SDK1: variants seen among roughly 807,000 people sequenced by gnomAD.
SDK1 encodes protein sidekick-1.
Under a neutral mutation model 245.5 loss-of-function variants are expected in SDK1, and 157 were observed. That is an observed-to-expected ratio of 0.64 (90% CI 0.56 to 0.73). The LOEUF is 0.73. Among genes scored for constraint, SDK1 ranks in the 30% least tolerant of loss-of-function variants. The pLI is 0.00. For synonymous variants in SDK1, 1,647 were observed against 1,278.5 expected (o/e 1.29, Z -6.15); for missense variants, 3,583 against 3,002.3 (o/e 1.19, Z -4.52).
chr7:3,674,375 A>G (rs754966334), intron 4 of SDK1, among the ~76,000 whole-genome samples: 1 of 152,066 alleles, frequency 6.6e-6, no homozygotes, highest in African/African-American at 2.4e-5. Flanking sequence ...AGACCTAGAG[A>G]GGGCTGCTAG....
chr7:3,479,876 A>AAAT (rs1554277609), intron 1 of SDK1, among the ~76,000 whole-genome samples: 42 of 147,710 alleles, frequency 2.8e-4, no homozygotes, highest in Non-Finnish European at 4.5e-4. Flanking sequence ...AAAAAAAAAA[A>AAAT]TTTTTTTTTT....
At chr7:3,523,938 A>G (rs1444341712) in intron 1 of SDK1, among the ~76,000 whole-genome samples, 2 of 152,020 alleles carry the variant, frequency 1.3e-5, no homozygotes, top group African/African-American at 4.8e-5. Context: ...TTGAGACTTG[A>G]TGTCTGTACA....
chr7:3,781,294 G>A (rs199616769), intron 4 of SDK1, among the ~76,000 whole-genome samples: 2 of 152,180 alleles, frequency 1.3e-5, no homozygotes, highest in East Asian at 3.9e-4. Context: ...AAACAGGGAA[G>A]CCAGGCCCAC....
At chr7:3,618,970 C>A (rs1309200123) in intron 1 of SDK1, 110 bp from the exon 2 acceptor site, 20 of 886,856 alleles carry the variant, frequency 2.3e-5, no homozygotes, top group Admixed American at 5.5e-5. Flanking sequence ...AAACAGCCAT[C>A]ACTTTCATTT....
At chr7:4,262,288 T>A (rs966662875) in intron 44 of SDK1, among the ~76,000 whole-genome samples, 1 of 151,740 alleles carries the variant, frequency 6.6e-6, no homozygotes, top group Non-Finnish European at 1.5e-5. Context: ...TCTGCCGACC[T>A]CAGGTGATCC....
At chr7:3,845,533 G>C (rs531222968) in intron 5 of SDK1, among the ~76,000 whole-genome samples, 2 of 143,776 alleles carry the variant, frequency 1.4e-5, no homozygotes, top group Non-Finnish European at 3.0e-5. Context: ...AAAAGAGCAA[G>C]ATGTGGAGTG....
At chr7:3,722,922 C>A (rs1010497778) in intron 4 of SDK1, among the ~76,000 whole-genome samples, 1 of 152,196 alleles carries the variant, frequency 6.6e-6, no homozygotes, top group African/African-American at 2.4e-5. Context: ...CAGCCTGAAT[C>A]CTTGGTGTTT....
At chr7:4,176,676 C>A (rs1210861113) in intron 34 of SDK1, among the ~76,000 whole-genome samples, 3 of 152,212 alleles carry the variant, frequency 2.0e-5, no homozygotes, top group Non-Finnish European at 4.4e-5. Context: ...CATCCACATT[C>A]AACTTTCTGT....
rs114535893 is a variant in SDK1 at position 3,545,081 on chromosome 7, T to C, written c.299-73999T>C. Among the ~76,000 whole-genome samples the C allele has an allele frequency of 3.1e-3, 478 of 152,258 alleles. 4 individuals are homozygous for C. Among genetic ancestry groups the C allele is most frequent in the African/African-American group, 0.011 (460 of 41,532 alleles). ...AGGACTGGGAGGAGAGCTGGTGCTA[T>C]GTGGTGGGCGGCAGTATTGGCACCA... On this transcript the variant is annotated intron_variant, in intron 1 of 44. Transcript: ENST00000404826.
intron 5 of SDK1, among the ~76,000 whole-genome samples, chr7:3,906,277 C>G (rs554204068): frequency 1.3e-5 from 2 of 152,212 alleles, no homozygotes; most frequent in Admixed American, 1.3e-4. Context: ...TATGTTTAAT[C>G]ATTTTTAACT....
chr7:3,661,644 C>T (rs191793004), intron 4 of SDK1, among the ~76,000 whole-genome samples: 37 of 152,228 alleles, frequency 2.4e-4, no homozygotes, highest in East Asian at 9.6e-4. Flanking sequence ...GAAATGCCCT[C>T]GGTTTAGCAT....
At chr7:3,822,835 C>T (rs757857832) in intron 5 of SDK1, among the ~76,000 whole-genome samples, 55 of 151,828 alleles carry the variant, frequency 3.6e-4, no homozygotes, top group Non-Finnish European at 5.7e-4. Context: ...ACATGGCCCT[C>T]GAGGGGTACA....
chr7:3,543,720 T>C (rs1176057287), intron 1 of SDK1, among the ~76,000 whole-genome samples: 1 of 152,250 alleles, frequency 6.6e-6, no homozygotes, highest in Admixed American at 6.5e-5. Flanking sequence ...AGGAGTTACC[T>C]GGACTTCATG....
At chr7:3,335,392 C>T (rs988007521) in intron 1 of SDK1, among the ~76,000 whole-genome samples, 4 of 151,200 alleles carry the variant, frequency 2.6e-5, no homozygotes, top group Admixed American at 1.3e-4. Flanking sequence ...TATTAACTTA[C>T]TGGGATAAGA....
In SDK1 at chr7:3,823,611, C is replaced by A. The variant is rs190340146; in HGVS notation, c.847+2028C>A. Among the ~76,000 whole-genome samples the A allele has an allele frequency of 1.7e-3, 266 of 152,224 alleles. 2 individuals carry two copies. The highest frequency in any genetic ancestry group is 2.3e-3 in the Non-Finnish European group (155 of 68,016). The stretch of plus-strand genomic sequence containing the variant: ...TCAGTAATTTCAGTTTCTACCCTGA[C>A]CGAAAAGTATATTGAAAGCTACTCA... On this transcript the variant is annotated intron_variant, in intron 5 of 44. Coordinates refer to ENST00000404826, the MANE Select transcript of SDK1 (RefSeq NM_152744.4).
At chr7:3,663,567 C>G (rs1325168700) in intron 4 of SDK1, among the ~76,000 whole-genome samples, 1 of 152,060 alleles carries the variant, frequency 6.6e-6, no homozygotes, top group Non-Finnish European at 1.5e-5. Flanking sequence ...CTGTTTAGAC[C>G]ATGTGGCCAG....
intron 1 of SDK1, among the ~76,000 whole-genome samples, chr7:3,602,944 C>T (rs574704370): frequency 1.5e-3 from 222 of 152,210 alleles, no homozygotes; most frequent in African/African-American, 5.1e-3. Context: ...AATCCTTTCC[C>T]CATTGCTTGT....
intron 4 of SDK1, among the ~76,000 whole-genome samples, chr7:3,770,456 A>T (rs1780377131): frequency 6.6e-6 from 1 of 152,210 alleles, no homozygotes; most frequent in African/African-American, 2.4e-5. Flanking sequence ...TTTATCTGAG[A>T]TAAAAATCTC....
chr7:4,069,848 G>A (rs1045051698), intron 20 of SDK1, among the ~76,000 whole-genome samples: 5 of 152,340 alleles, frequency 3.3e-5, no homozygotes, highest in African/African-American at 1.2e-4. Context: ...TATAACCGAG[G>A]CCTGGCGATG....
Sources: allele counts gnomAD v4.1 joint callset (sites outside exome capture counted in the v4.1 genomes callset), GRCh38; gene constraint gnomAD v4.1.1; transcripts MANE v1.5; gene names NCBI Gene and HGNC (gene_info 2026-07-23, HGNC 2026-07-21).